The following CSMD2 variants were observed in gnomAD, a reference collection of about 807,000 sequenced individuals.
CSMD2 encodes CUB and Sushi multiple domains 2.
CSMD2 carries 130 observed loss-of-function variants against 398.5 expected under a neutral mutation model. That is an observed-to-expected ratio of 0.33 (90% CI 0.28 to 0.38). The LOEUF (loss-of-function observed/expected upper bound fraction) is 0.38, where lower values mean the gene tolerates loss of function less well. Among genes scored for constraint, CSMD2 ranks in the 10% least tolerant of loss-of-function variants. The pLI is 1.00. For missense variants in CSMD2, 3,829 were observed against 4,764.9 expected (o/e 0.80, Z 5.78); for synonymous variants, 1,828 against 1,908.5 (o/e 0.96, Z 1.10).
chr1:33,809,880 G>T (rs1656659224), intron 10 of CSMD2, among the ~76,000 whole-genome samples: 1 of 151,984 alleles, frequency 6.6e-6, no homozygotes, highest in Admixed American at 6.5e-5. Context: ...CAAGTAGAAT[G>T]TGCAATTTTA....
intron 24 of CSMD2, among the ~76,000 whole-genome samples, chr1:33,696,963 T>C (rs1006414355): frequency 2.0e-5 from 3 of 152,186 alleles, no homozygotes; most frequent in African/African-American, 7.2e-5. Flanking sequence ...ACATGACATA[T>C]ACAAAAATAT....
At position 34,075,020 on chromosome 1, in the gene CSMD2, G is replaced by A. The variant is rs536217291; in HGVS notation, c.404+13957C>T. On this transcript the variant is annotated intron_variant, in intron 2 of 70. Coordinates refer to ENST00000373381, the MANE Select transcript of CSMD2 (RefSeq NM_001281956.2). ...ATTTAACTGTCTCCCTAAAGATATC[G>A]TTAAGTTCCTTGAAGGCAGAAGCTG... Among the ~76,000 whole-genome samples, 36 of 152,338 alleles carry A rather than the reference G, an allele frequency of 2.4e-4. No homozygotes were observed. The East Asian group carries it at 4.2e-3, about 18-fold the overall frequency.
chr1:33,808,036 A>G (rs754607162), intron 10 of CSMD2, among the ~76,000 whole-genome samples: 13 of 152,160 alleles, frequency 8.5e-5, no homozygotes, highest in Non-Finnish European at 1.8e-4. Context: ...TTACTACATA[A>G]TTATTTTTGA....
chr1:33,710,796 G>C (rs1557770096), intron 21 of CSMD2, among the ~76,000 whole-genome samples: 2 of 151,826 alleles, frequency 1.3e-5, no homozygotes, highest in Non-Finnish European at 2.9e-5. Context: ...CATGGGCTTA[G>C]TTATACATCT....
chr1:33,547,643 G>A (rs763232033), intron 56 of CSMD2, among the ~76,000 whole-genome samples: 1 of 152,168 alleles, frequency 6.6e-6, no homozygotes, highest in Non-Finnish European at 1.5e-5. Context: ...GTTTCCCACT[G>A]TGGAAGAGGG....
chr1:34,012,609 T>C lies in CSMD2; in HGVS notation c.517+19985A>G, dbSNP rs144405131. ...GGCATGCACCACCACGCCCGGCTAA[T>C]GTTTGTAATTTTATTAAAGACAGGA... On this transcript the variant is annotated intron_variant, in intron 3 of 70. Coordinates refer to ENST00000373381, the MANE Select transcript of CSMD2 (RefSeq NM_001281956.2). Among the ~76,000 whole-genome samples the C allele has an allele frequency of 1.2e-4, 19 of 152,216 alleles. No individual in the cohort carries two copies. The East Asian group carries it at 3.7e-3, about 29-fold the overall frequency.
intron 10 of CSMD2, among the ~76,000 whole-genome samples, chr1:33,798,876 C>T (rs141164208): frequency 1.9e-4 from 29 of 152,294 alleles, no homozygotes; most frequent in African/African-American, 5.1e-4. Flanking sequence ...GACAGGACTC[C>T]AGGTGCTGCC....
Position 33,600,967 on chromosome 1 carries a change from G to C in CSMD2, c.6754C>G (p.Arg2252Gly). The change falls in exon 44 of 71, where the codon CGG (arginine) becomes GGG (glycine). Residue 2252 changes from arginine to glycine, a missense_variant. Coordinates refer to ENST00000373381, the MANE Select transcript of CSMD2 (RefSeq NM_001281956.2). ...QTAPRLGVFTRSMAKKTVQSS... is the reference protein window; with the variant it reads ...QTAPRLGVFTGSMAKKTVQSS... Reference sequence around the variant, plus strand: ...TGCACTGTTTTCTTGGCCATGCTCCGGGTGAAGACGCCGAGCCGTGGTGCT... The same window carrying C: ...TGCACTGTTTTCTTGGCCATGCTCCCGGTGAAGACGCCGAGCCGTGGTGCT... The C allele has an allele frequency of 6.2e-7, 1 of 1,614,128 alleles. No homozygotes were observed. Among genetic ancestry groups the C allele is most frequent in the Non-Finnish European group, 8.5e-7 (1 of 1,180,024 alleles).
chr1:34,015,033 G>A (rs541507712), intron 3 of CSMD2, among the ~76,000 whole-genome samples: 2 of 152,290 alleles, frequency 1.3e-5, no homozygotes, highest in South Asian at 4.1e-4. Context: ...TAAAACTACA[G>A]TCTTCCAGGC....
chr1:33,696,876 C>T (rs1377204304), intron 24 of CSMD2, among the ~76,000 whole-genome samples: 1 of 152,162 alleles, frequency 6.6e-6, no homozygotes, highest in Non-Finnish European at 1.5e-5. Flanking sequence ...GCAGAGTCCA[C>T]TCACCGAAGA....
At chr1:34,124,225 T>TAA (rs1662508652) in intron 1 of CSMD2, among the ~76,000 whole-genome samples, 1 of 152,152 alleles carries the variant, frequency 6.6e-6, no homozygotes, top group African/African-American at 2.4e-5. Context: ...TCAGCACACA[T>TAA]ATATTGATGC....
At chr1:33,938,517 C>T (rs58125844) in intron 3 of CSMD2, among the ~76,000 whole-genome samples, 1 of 126,212 alleles carries the variant, frequency 7.9e-6, no homozygotes, top group Non-Finnish European at 1.7e-5. Flanking sequence ...ACTTGGCATT[C>T]CCTATGATCC....
Position 33,547,964 on chromosome 1 carries a change from T to C in CSMD2, c.8918-1745A>G, listed in dbSNP as rs138207813. ...GACCTGGTGAGAGGTGATTGGATCATGGGGTGGATTTCCCCCTTGCTGTTC... is the reference window on the plus strand; with the variant it reads ...GACCTGGTGAGAGGTGATTGGATCACGGGGTGGATTTCCCCCTTGCTGTTC... On this transcript the variant is annotated intron_variant, in intron 56 of 70. Coordinates refer to ENST00000373381, the MANE Select transcript of CSMD2 (RefSeq NM_001281956.2). Among the ~76,000 whole-genome samples the C allele has an allele frequency of 5.6e-4, 86 of 152,350 alleles. No individual in the cohort carries two copies. In the East Asian group the frequency reaches 0.014, roughly 25 times the overall value.
intron 53 of CSMD2, among the ~76,000 whole-genome samples, chr1:33,565,050 T>C (rs1364733187): frequency 6.6e-6 from 1 of 152,154 alleles, no homozygotes; most frequent in Non-Finnish European, 1.5e-5. Flanking sequence ...AAACTTTAAA[T>C]TACATGTAAG....
At chr1:33,708,472 T>C (rs954328307) in intron 22 of CSMD2, among the ~76,000 whole-genome samples, 2 of 152,062 alleles carry the variant, frequency 1.3e-5, no homozygotes, top group Admixed American at 6.5e-5. Flanking sequence ...CATAAATACA[T>C]AGCTACACAA....
At chr1:33,751,775 C>T (rs540909999) in intron 13 of CSMD2, among the ~76,000 whole-genome samples, 15 of 151,522 alleles carry the variant, frequency 9.9e-5, no homozygotes, top group South Asian at 2.1e-4. Context: ...TGTGCCACCA[C>T]GCCCAGCTAA....
intron 59 of CSMD2, 26 bp from the exon 60 acceptor site, chr1:33,540,724 G>A: frequency 6.2e-7 from 1 of 1,613,196 alleles, no homozygotes; most frequent in Non-Finnish European, 8.5e-7. Context: ...AGCAGGCTGA[G>A]TTCTGATGCT....
At chr1:34,092,998 A>C (rs1466002480) in intron 1 of CSMD2, among the ~76,000 whole-genome samples, 1 of 152,160 alleles carries the variant, frequency 6.6e-6, no homozygotes, top group African/African-American at 2.4e-5. Context: ...CTGCAGACTT[A>C]AATGTCCCTG....
intron 2 of CSMD2, among the ~76,000 whole-genome samples, chr1:34,085,973 A>G (rs1657829972): frequency 6.7e-6 from 1 of 150,014 alleles, no homozygotes; most frequent in Admixed American, 6.7e-5. Context: ...ACCAAATTGA[A>G]TTTCTTAATT....
Sources: gnomAD v4.1 joint callset for allele counts (sites outside exome capture counted in the v4.1 genomes callset) on GRCh38, gnomAD v4.1.1 for gene constraint, MANE v1.5 for transcripts, NCBI Gene and HGNC (gene_info 2026-07-23, HGNC 2026-07-21) for gene names.